Variants in USP28 observed in about 807,000 individuals in gnomAD.
USP28 encodes the protein ubiquitin carboxyl-terminal hydrolase 28.
A neutral mutation model predicts 145.0 loss-of-function variants in USP28; 113 were observed. That is an observed-to-expected ratio of 0.78 (90% CI 0.67 to 0.91). The LOEUF (loss-of-function observed/expected upper bound fraction) is 0.91. USP28 is among the 40% of genes least tolerant of loss of function. The pLI is 0.00. For synonymous variants in USP28, 447 were observed against 450.9 expected (o/e 0.99, Z 0.11); for missense variants, 1,201 against 1,289.6 (o/e 0.93, Z 1.05).
intron 1 of USP28, among the ~76,000 whole-genome samples, chr11:113,856,017 C>T (rs993528568): frequency 1.3e-5 from 2 of 152,206 alleles, no homozygotes; most frequent in Admixed American, 1.3e-4. Flanking sequence ...CTGAGACCAG[C>T]AGACTTTCAC....
chr11:113,847,364 T>A (rs560066028), intron 3 of USP28, among the ~76,000 whole-genome samples: 2 of 138,514 alleles, frequency 1.4e-5, no homozygotes, highest in East Asian at 4.4e-4. Context: ...ACCACAGTAA[T>A]ACAATCGCCA....
At chr11:113,830,119 G>A (rs1178026061) in intron 9 of USP28, among the ~76,000 whole-genome samples, 2 of 152,176 alleles carry the variant, frequency 1.3e-5, no homozygotes, top group Admixed American at 6.5e-5. Context: ...AGGAAAAAAC[G>A]ATGGAGGGGG....
At position 113,826,276 on chromosome 11, in the gene USP28, CCTT is replaced by C. The variant is rs1272104410; in HGVS notation, c.1187+954_1187+956del. Among the ~76,000 whole-genome samples, 39 of 96,514 alleles carry C rather than the reference CCTT, an allele frequency of 4.0e-4. 1 individual carries two copies. The highest frequency in any genetic ancestry group is 5.3e-4 in the Admixed American group (5 of 9,376). 63.3% of individuals were successfully genotyped at this position (96,514 alleles called of 152,430 possible). On this transcript the variant is annotated intron_variant, in intron 11 of 24. Coordinates refer to ENST00000003302, the Ensembl canonical transcript of USP28. ...CCAGCCTGGGCAACAGAGCAAGACT[CCTT>C]CTCAAAAAAAAAAAAAAAGAAAGAA...
At chr11:113,836,223 C>A (rs1168142051) in intron 5 of USP28, among the ~76,000 whole-genome samples, 1 of 152,186 alleles carries the variant, frequency 6.6e-6, no homozygotes, top group Non-Finnish European at 1.5e-5. Flanking sequence ...CCCCCAGTCA[C>A]CAAAGTTTAG....
At position 113,867,423 on chromosome 11, in the gene USP28, C is replaced by T. The variant is rs370467334; in HGVS notation, c.57+8022G>A. Among the ~76,000 whole-genome samples the T allele has an allele frequency of 1.8e-3, 280 of 152,240 alleles. 2 individuals carry two copies. Among genetic ancestry groups the T allele is most frequent in the African/African-American group, 6.4e-3 (266 of 41,530 alleles). On this transcript the variant is annotated intron_variant, in intron 1 of 24. Coordinates refer to ENST00000003302, the Ensembl canonical transcript of USP28. ...CTGGAATTACAGGTGCTCACCACCA[C>T]ATCTGGCTAATTTTTATATTTTTTA...
chr11:113,825,065 A>C (rs2135775587), intron 11 of USP28, among the ~76,000 whole-genome samples: 1 of 152,302 alleles, frequency 6.6e-6, no homozygotes, highest in South Asian at 2.1e-4. Context: ...AATGCAAAGG[A>C]CCAGCACACC....
intron 10 of USP28, among the ~76,000 whole-genome samples, chr11:113,827,946 C>A: frequency 6.6e-6 from 1 of 152,240 alleles, no homozygotes; most frequent in Non-Finnish European, 1.5e-5. Flanking sequence ...ATTTCAAAAA[C>A]TTACAGAGGT....
chr11:113,837,977 G>A (rs1047231349), intron 5 of USP28, among the ~76,000 whole-genome samples: 1 of 151,558 alleles, frequency 6.6e-6, no homozygotes, highest in African/African-American at 2.4e-5. Context: ...TCAAAAAATA[G>A]CTGCTAATTT....
At chr11:113,853,692 T>C (rs11214743) in intron 2 of USP28, among the ~76,000 whole-genome samples, 347 of 152,020 alleles carry the variant, frequency 2.3e-3, no homozygotes, top group South Asian at 5.0e-3. Context: ...CTGGCCAATA[T>C]GGTGAAACCC....
At chr11:113,845,116 C>CAA (rs554416453) in intron 3 of USP28, among the ~76,000 whole-genome samples, 73 of 70,940 alleles carry the variant, frequency 1.0e-3, no homozygotes, top group Admixed American at 4.2e-3. Context: ...AGACCCTTCT[C>CAA]AAAAAAAAAA....
chr11:113,851,825 C>A (rs1946485958), intron 3 of USP28, among the ~76,000 whole-genome samples: 1 of 127,008 alleles, frequency 7.9e-6, no homozygotes, highest in South Asian at 2.8e-4. Context: ...GAAATACAGT[C>A]CCCAGCACTC....
At chr11:113,807,812 C>G (rs1446754690) in intron 18 of USP28, 139 bp downstream of exon 19, 4 of 519,850 alleles carry the variant, frequency 7.7e-6, no homozygotes, top group Non-Finnish European at 9.9e-6. Flanking sequence ...TAACTAAGGT[C>G]AAAACCAAAT....
intron 17 of USP28, 30 bp downstream of exon 17, chr11:113,809,033 G>C (rs771952532): frequency 6.2e-7 from 1 of 1,604,132 alleles, no homozygotes; most frequent in South Asian, 1.1e-5. Context: ...GATGTTACTG[G>C]ATCACTGGCA....
At chr11:113,803,434 A>C (rs1249506035) in intron 22 of USP28, among the ~76,000 whole-genome samples, 153 bp from the exon 24 acceptor site, 4 of 152,184 alleles carry the variant, frequency 2.6e-5, no homozygotes, top group Non-Finnish European at 5.9e-5. Flanking sequence ...TCTTCTACAA[A>C]TTGGCCTAGC....
intron 1 of USP28, among the ~76,000 whole-genome samples, chr11:113,860,900 CG>C (rs1479821013): frequency 2.0e-5 from 3 of 151,804 alleles, no homozygotes; most frequent in East Asian, 3.9e-4. Flanking sequence ...AGGCAGATCA[CG>C]AGGTCAGGAG....
rs35806711 is a variant in USP28, at chr11:113,853,301, CAAAAAAAAAAAAAA to C, written c.136-682_136-669del. The stretch of plus-strand genomic sequence containing the variant: ...CTGAGTGAGATCCTGTCTCCTGTCT[CAAAAAAAAAAAAAA>C]AAAAAAAAAAAAAGCCACGCAGTTA... On this transcript the variant is annotated intron_variant, in intron 2 of 24. Transcript: ENST00000003302. Among the ~76,000 whole-genome samples, 17 of 54,968 alleles carry C rather than the reference CAAAAAAAAAAAAAA, an allele frequency of 3.1e-4. 2 individuals are homozygous for C. Among genetic ancestry groups the C allele is most frequent in the Admixed American group, 2.7e-3 (9 of 3,334 alleles). The allele number at this position is 54,968 out of a possible 152,430, so 36.1% of individuals were successfully genotyped here.
intron 5 of USP28, among the ~76,000 whole-genome samples, chr11:113,837,513 TG>T (rs1294438455): frequency 6.6e-6 from 1 of 152,224 alleles, no homozygotes; most frequent in Non-Finnish European, 1.5e-5. Flanking sequence ...GACCATTACA[TG>T]TCTTCTTTGT....
At chr11:113,841,010 A>G (rs760984136) in intron 4 of USP28, among the ~76,000 whole-genome samples, 2 of 152,202 alleles carry the variant, frequency 1.3e-5, no homozygotes, top group Non-Finnish European at 1.5e-5. Flanking sequence ...TTGAAATTCA[A>G]GACTATTTAA....
At chr11:113,805,127 A>ATCAAT in intron 19 of USP28, 81 bp from the exon 21 acceptor site, 1 of 1,344,684 alleles carries the variant, frequency 7.4e-7, no homozygotes, top group Non-Finnish European at 1.0e-6. Flanking sequence ...GGAGCTAGGC[A>ATCAAT]GTCTCTTGAC....
Sources: allele counts gnomAD v4.1 joint callset (sites outside exome capture counted in the v4.1 genomes callset), GRCh38; gene constraint gnomAD v4.1.1; transcripts MANE v1.5; gene names NCBI Gene and HGNC (gene_info 2026-07-23, HGNC 2026-07-21).